The following AFF2 variants were observed in gnomAD, a reference collection of about 807,000 sequenced individuals.
The protein encoded by AFF2 is AF4/FMR2 family member 2.
AFF2 carries 14 observed loss-of-function variants against 76.9 expected under a neutral mutation model. The ratio of observed to expected loss-of-function variants is 0.18; its 90% CI spans 0.12 to 0.28. The LOEUF is 0.28. Ranked by LOEUF, AFF2 falls within the 10% of genes least tolerant of loss-of-function variation. AFF2 has a pLI of 1.00. For synonymous variants in AFF2, 398 were observed against 366.7 expected (o/e 1.09, Z -0.98); for missense variants, 868 against 1,001.1 (o/e 0.87, Z 1.79).
intron 7 of AFF2, among the ~76,000 whole-genome samples, chrX:148,857,101 G>A (rs2070794570): frequency 8.9e-6 from 1 of 111,845 alleles, no homozygotes; most frequent in Non-Finnish European, 1.9e-5. Context: ...TTAAGAGTAG[G>A]AATGGAATCT....
At chrX:148,670,848 T>C (rs1260484582) in intron 3 of AFF2, among the ~76,000 whole-genome samples, 1 of 112,249 alleles carries the variant, frequency 8.9e-6, no homozygotes, top group Admixed American at 9.4e-5. Flanking sequence ...CATACTTTTC[T>C]TCCCTTGGAG....
chrX:148,558,498 T>A (rs1455546180), intron 1 of AFF2, among the ~76,000 whole-genome samples: 1 of 111,528 alleles, frequency 9.0e-6, no homozygotes, highest in Non-Finnish European at 1.9e-5. Flanking sequence ...AGCTGCTCTG[T>A]CACTGAGCTG....
intron 3 of AFF2, among the ~76,000 whole-genome samples, chrX:148,695,863 C>T (rs930279037): frequency 4.5e-5 from 5 of 111,853 alleles, no homozygotes; most frequent in Admixed American, 2.8e-4. Flanking sequence ...GGTAAGCCAT[C>T]TTATCAGCCA....
chrX:148,822,167 A>G lies in AFF2; in HGVS notation c.1086+12247A>G, dbSNP rs782121263. The G allele has an allele frequency of 2.7e-5, 3 of 111,879 alleles. No homozygotes were observed. The East Asian group carries it at 8.5e-4, about 32-fold the overall frequency. 9.2% of individuals were successfully genotyped at this position (111,879 alleles called of 1,213,427 possible). A position where few individuals can be genotyped will look rare whatever the true frequency, so the allele number is the denominator to read the frequency against. ...TTTCCATTGCCAATTTCTTTTTAAG[A>G]AGGGCAAAATGCCGCATGCAGCTCC... On this transcript the variant is annotated intron_variant, in intron 4 of 20. Transcript: ENST00000370460.
intron 3 of AFF2, among the ~76,000 whole-genome samples, chrX:148,691,211 A>G (rs2054647860): frequency 8.9e-6 from 1 of 112,019 alleles, no homozygotes; most frequent in East Asian, 2.8e-4. Context: ...GATTAAATGA[A>G]TTGGTCCAAC....
At chrX:148,867,780 G>A (rs912581035) in intron 7 of AFF2, among the ~76,000 whole-genome samples, 5 of 111,214 alleles carry the variant, frequency 4.5e-5, no homozygotes, top group Non-Finnish European at 9.4e-5. Flanking sequence ...TCTGCCTGTG[G>A]TACTCTGGAA....
At chrX:148,770,272 A>G (rs192803314) in intron 3 of AFF2, among the ~76,000 whole-genome samples, 51 of 111,845 alleles carry the variant, frequency 4.6e-4, no homozygotes, top group African/African-American at 1.7e-3. Context: ...GTTGCTGGGG[A>G]TGGCTTCAGA....
chrX:148,970,215 A>G (rs145127865), intron 15 of AFF2, among the ~76,000 whole-genome samples: 1 of 112,361 alleles, frequency 8.9e-6, no homozygotes, highest in East Asian at 2.8e-4. Flanking sequence ...ATTTCTCCAC[A>G]GTAGCTTACA....
At chrX:148,556,385 T>C (rs977892010) in intron 1 of AFF2, among the ~76,000 whole-genome samples, 13 of 111,962 alleles carry the variant, frequency 1.2e-4, no homozygotes, top group African/African-American at 3.9e-4. Flanking sequence ...GGCGCCACCA[T>C]ACTTAAGGTT....
intron 3 of AFF2, among the ~76,000 whole-genome samples, chrX:148,722,236 C>A (rs782063638): frequency 9.0e-6 from 1 of 111,209 alleles, no homozygotes; most frequent in African/African-American, 3.3e-5. Flanking sequence ...ACAACAACAA[C>A]AACAAAAACC....
chrX:148,659,175 T>C (rs1475272695), intron 2 of AFF2, among the ~76,000 whole-genome samples: 2 of 112,329 alleles, frequency 1.8e-5, no homozygotes, highest in African/African-American at 6.5e-5. Flanking sequence ...ATTTCAAGTA[T>C]ATTTTTAAAA....
At chrX:148,770,318 A>T (rs1298643550) in intron 3 of AFF2, among the ~76,000 whole-genome samples, 1 of 111,866 alleles carries the variant, frequency 8.9e-6, no homozygotes, top group African/African-American at 3.3e-5. Flanking sequence ...TCAGCAGCTC[A>T]TTCTATACGT....
chrX:148,846,359 G>T (rs2070667611), intron 7 of AFF2, among the ~76,000 whole-genome samples: 1 of 111,513 alleles, frequency 9.0e-6, no homozygotes, highest in African/African-American at 3.3e-5. Context: ...GTATCCAGAA[G>T]ATATGAGGTT....
chrX:148,949,381 T>C (rs1045055165), intron 9 of AFF2, among the ~76,000 whole-genome samples: 2 of 110,974 alleles, frequency 1.8e-5, no homozygotes, highest in African/African-American at 6.6e-5. Context: ...GAAGGCACCT[T>C]AAACGCCTCC....
rs184028969 is a variant in AFF2 at position 148,586,811 on chromosome X, A to C, written c.48-65188A>C. Among the ~76,000 whole-genome samples, 27 of 111,401 alleles carry C rather than the reference A, an allele frequency of 2.4e-4. No individual in the cohort carries two copies. The East Asian group carries it at 7.6e-3, about 32-fold the overall frequency. On this transcript the variant is annotated intron_variant, in intron 1 of 20. Coordinates refer to ENST00000370460, the MANE Select transcript of AFF2 (RefSeq NM_002025.4). ...AGAAATTTTCTGGCCCACTCTCTTCATTCAATCTAATGGGGTAGGCTTAGA... is the reference window on the plus strand; with the variant it reads ...AGAAATTTTCTGGCCCACTCTCTTCCTTCAATCTAATGGGGTAGGCTTAGA...
chrX:148,620,400 G>C (rs6641443), intron 1 of AFF2, among the ~76,000 whole-genome samples: 31,490 of 109,895 alleles, frequency 0.29, 3,446 homozygotes, highest in Middle Eastern at 0.37. Context: ...CAAAATGTAA[G>C]GTAAGGACCT....
At chrX:148,770,412 G>A (rs1056934630) in intron 3 of AFF2, among the ~76,000 whole-genome samples, 1 of 112,015 alleles carries the variant, frequency 8.9e-6, no homozygotes, top group Non-Finnish European at 1.9e-5. Flanking sequence ...CTTTAATCCT[G>A]TTTGGCAGGG....
At chrX:148,704,460 G>GTA (rs1557262228) in intron 3 of AFF2, among the ~76,000 whole-genome samples, 1 of 14,867 alleles carries the variant, frequency 6.7e-5, no homozygotes, top group Non-Finnish European at 1.3e-4. Flanking sequence ...TTATATATGT[G>GTA]TATATATTTA....
chrX:148,819,421 A>T (rs1170517880), intron 4 of AFF2, among the ~76,000 whole-genome samples: 1 of 111,502 alleles, frequency 9.0e-6, no homozygotes, highest in Non-Finnish European at 1.9e-5. Flanking sequence ...ATGAAAGACC[A>T]CTTACTCAGC....
Sources: allele counts gnomAD v4.1 joint callset (sites outside exome capture counted in the v4.1 genomes callset), GRCh38; gene constraint gnomAD v4.1.1; transcripts MANE v1.5; gene names NCBI Gene and HGNC (gene_info 2026-07-23, HGNC 2026-07-21).